Variants in RBFOX1 observed in about 807,000 individuals in gnomAD.
RBFOX1 encodes the protein RNA binding protein fox-1 homolog 1.
In RBFOX1, 8 loss-of-function variants were observed where a neutral mutation model predicts 57.7. The observed-to-expected ratio is 0.14, with a 90% CI of 0.08 to 0.25. The LOEUF is 0.25. RBFOX1 is among the 10% of genes least tolerant of loss of function. RBFOX1 has a pLI of 1.00. For missense variants in RBFOX1, 611 were observed against 548.5 expected (o/e 1.11, Z -1.14); for synonymous variants, 326 against 222.4 (o/e 1.47, Z -4.15).
intron 4 of RBFOX1, among the ~76,000 whole-genome samples, chr16:5,873,089 G>T (rs2057515701): frequency 6.6e-6 from 1 of 152,198 alleles, no homozygotes; most frequent in Non-Finnish European, 1.5e-5. Context: ...GGCAGAGGTT[G>T]CAGTGAGCTA....
At chr16:6,203,950 G>C (rs7189825) in intron 1 of RBFOX1, among the ~76,000 whole-genome samples, 4,349 of 149,190 alleles carry the variant, frequency 0.029, 213 homozygotes, top group African/African-American at 0.098. Flanking sequence ...CTCTCAACCT[G>C]TTGGTGGCTC....
At chr16:6,325,072 G>T (rs78276069) in intron 2 of RBFOX1, among the ~76,000 whole-genome samples, 2,348 of 152,240 alleles carry the variant, frequency 0.015, 55 homozygotes, top group African/African-American at 0.054. Flanking sequence ...TACAGGAAAG[G>T]TACCCAGGCA....
rs184961514 is a variant in RBFOX1, at chr16:6,104,157, A to G, written c.-127+84165A>G. ...AACACACACACACACACACACACAC[A>G]CAATATTATTTTTAATTGACAGACA... On this transcript the variant is annotated intron_variant, in intron 1 of 15. Coordinates refer to ENST00000550418, the MANE Select transcript of RBFOX1 (RefSeq NM_018723.4). 1.9e-3 allele frequency among the ~76,000 whole-genome samples: 285 copies of G among 152,060 alleles called. 1 individual carries two copies. The highest frequency in any genetic ancestry group is 6.7e-3 in the African/African-American group (277 of 41,486).
intron 1 of RBFOX1, among the ~76,000 whole-genome samples, chr16:6,302,204 A>C (rs2078900483): frequency 3.9e-5 from 6 of 151,902 alleles, no homozygotes. Flanking sequence ...ATAACTTTTG[A>C]TGGTTACCTG....
chr16:7,120,823 G>GTATA (rs537281089), intron 4 of RBFOX1, among the ~76,000 whole-genome samples: 27,041 of 136,742 alleles, frequency 0.2, 2,711 homozygotes, highest in Middle Eastern at 0.27. Context: ...TTTTATATAT[G>GTATA]TATATATACA....
intron 4 of RBFOX1, among the ~76,000 whole-genome samples, chr16:7,362,222 TTG>T (rs200666002): frequency 7.3e-5 from 11 of 151,528 alleles, no homozygotes; most frequent in Non-Finnish European, 1.5e-4. Context: ...TTTTATGTGT[TTG>T]TGTGTTTTGT....
At chr16:6,625,099 A>T (rs2098284480) in intron 2 of RBFOX1, among the ~76,000 whole-genome samples, 1 of 146,766 alleles carries the variant, frequency 6.8e-6, no homozygotes, top group Admixed American at 7.1e-5. Flanking sequence ...TGGGAGGCAA[A>T]AGTTGCAGTG....
intron 4 of RBFOX1, among the ~76,000 whole-genome samples, chr16:5,890,044 TG>T (rs2058009559): frequency 6.6e-6 from 1 of 152,190 alleles, no homozygotes; most frequent in Non-Finnish European, 1.5e-5. Context: ...GTGTGTTGAC[TG>T]GCAGTTCCGT....
intron 2 of RBFOX1, among the ~76,000 whole-genome samples, chr16:6,543,114 C>T (rs755847205): frequency 1.3e-5 from 2 of 152,170 alleles, no homozygotes; most frequent in Non-Finnish European, 2.9e-5. Context: ...CCGTGTTTAG[C>T]AGATAAGGAG....
chr16:7,680,259 C>A (rs2074390132), intron 14 of RBFOX1, among the ~76,000 whole-genome samples: 1 of 152,058 alleles, frequency 6.6e-6, no homozygotes, highest in Non-Finnish European at 1.5e-5. Context: ...CTTGAAGCAG[C>A]CAAACTGGGA....
chr16:6,045,548 A>C (rs1046820979), intron 1 of RBFOX1, among the ~76,000 whole-genome samples: 7 of 152,204 alleles, frequency 4.6e-5, no homozygotes, highest in Non-Finnish European at 1.0e-4. Context: ...CATTCAGTGA[A>C]TATGTATTGA....
In RBFOX1 at chr16:5,955,818, A is replaced by G. The variant is rs117680876; in HGVS notation, c.351+88483A>G. Among the ~76,000 whole-genome samples, 46 of 152,332 alleles carry G rather than the reference A, an allele frequency of 3.0e-4. 2 individuals are homozygous for G. The East Asian group carries it at 8.1e-3, about 27-fold the overall frequency. ...AAATGAGCAAAGTCACTCCCGGAAA[A>G]CTAATATATATGACATGTTAATGTA... On this transcript the variant is annotated intron_variant, in intron 4 of 19. Coordinates refer to the RBFOX1 transcript ENST00000641259.
At chr16:6,342,636 C>T (rs1169998063) in intron 2 of RBFOX1, among the ~76,000 whole-genome samples, 2 of 152,160 alleles carry the variant, frequency 1.3e-5, no homozygotes, top group Non-Finnish European at 2.9e-5. Context: ...GTATACATAT[C>T]TGAGGTTCAG....
At chr16:7,705,594 C>A (rs999253067) in intron 14 of RBFOX1, among the ~76,000 whole-genome samples, 11 of 152,140 alleles carry the variant, frequency 7.2e-5, no homozygotes, top group African/African-American at 2.7e-4. Context: ...ACAGAGGCAG[C>A]TTATTCAAGT....
chr16:5,682,988 C>T (rs2050390332), intron 3 of RBFOX1, among the ~76,000 whole-genome samples: 1 of 152,214 alleles, frequency 6.6e-6, no homozygotes, highest in African/African-American at 2.4e-5. Context: ...ATTCTTTAAC[C>T]TCTCTGAACC....
chr16:5,946,441 A>G lies in RBFOX1; in HGVS notation c.351+79106A>G, dbSNP rs1002850715. Among the ~76,000 whole-genome samples the G allele has an allele frequency of 6.6e-6, 1 of 152,206 alleles. No individual in the cohort carries two copies. The highest frequency in any genetic ancestry group is 2.4e-5 in the African/African-American group (1 of 41,450). On this transcript the variant is annotated intron_variant, in intron 4 of 19. Coordinates refer to the RBFOX1 transcript ENST00000641259. The surrounding 1 kb of genome is among the most constrained non-coding windows in gnomAD (Gnocchi z 4.6). ...CACTACTCTATCTTGCGACAGAGCC[A>G]TGAACAGCTCAGCCAAGATCTCTGC...
intron 3 of RBFOX1, among the ~76,000 whole-genome samples, chr16:6,850,589 T>A (rs1261405766): frequency 6.6e-6 from 1 of 152,178 alleles, no homozygotes; most frequent in African/African-American, 2.4e-5. Context: ...CCTTAACAAA[T>A]TAAAGCACTT....
At chr16:5,565,989 C>T (rs1256310109) in intron 2 of RBFOX1, among the ~76,000 whole-genome samples, 1 of 152,150 alleles carries the variant, frequency 6.6e-6, no homozygotes, top group African/African-American at 2.4e-5. Flanking sequence ...AATAAGTCTC[C>T]TGAGATCTGA....
At chr16:5,702,907 T>A (rs2051103308) in intron 3 of RBFOX1, among the ~76,000 whole-genome samples, 1 of 152,208 alleles carries the variant, frequency 6.6e-6, no homozygotes, top group African/African-American at 2.4e-5. Context: ...GGGGATACTT[T>A]CATCTTATTG....
Sources: allele counts gnomAD v4.1 joint callset (sites outside exome capture counted in the v4.1 genomes callset), GRCh38; gene constraint gnomAD v4.1.1; non-coding constraint Gnocchi (gnomAD v3.1); transcripts MANE v1.5; gene names NCBI Gene and HGNC (gene_info 2026-07-23, HGNC 2026-07-21).